Variants in THSD7B observed in about 807,000 individuals in gnomAD.
THSD7B encodes thrombospondin type-1 domain-containing protein 7B.
Under a neutral mutation model 213.6 loss-of-function variants are expected in THSD7B, and 138 were observed. The ratio of observed to expected loss-of-function variants is 0.65; its 90% CI spans 0.56 to 0.74. The LOEUF is 0.74. THSD7B is among the 30% of genes least tolerant of loss of function. The pLI, the probability that THSD7B is intolerant of heterozygous loss-of-function variation, is 0.00. For synonymous variants in THSD7B, 742 were observed against 687.0 expected (o/e 1.08, Z -1.25); for missense variants, 1,931 against 1,991.5 (o/e 0.97, Z 0.58).
chr2:137,257,835 C>T (rs1474764185), intron 10 of THSD7B, among the ~76,000 whole-genome samples: 1 of 152,150 alleles, frequency 6.6e-6, no homozygotes, highest in Non-Finnish European at 1.5e-5. Flanking sequence ...ATTTTTGTTA[C>T]AGGCAACAAA....
In THSD7B at chr2:136,984,378, A is replaced by G. The variant is rs117949140; in HGVS notation, c.140-72042A>G. 1.6e-3 allele frequency among the ~76,000 whole-genome samples: 250 copies of G among 152,290 alleles called. 4 individuals carry two copies. In the East Asian group the frequency reaches 0.044, roughly 27 times the overall value. On this transcript the variant is annotated intron_variant, in intron 2 of 27. Coordinates refer to ENST00000409968, the MANE Select transcript of THSD7B (RefSeq NM_001316349.2). ...ATGGTTTAGCACCATCCTCTAGAAAATAAGGAGTTCTCGCTCAGTTATTTT... is the reference window on the plus strand; with the variant it reads ...ATGGTTTAGCACCATCCTCTAGAAAGTAAGGAGTTCTCGCTCAGTTATTTT...
intron 12 of THSD7B, among the ~76,000 whole-genome samples, chr2:137,317,092 G>GT (rs1166613069): frequency 6.6e-6 from 1 of 152,210 alleles, no homozygotes; most frequent in Non-Finnish European, 1.5e-5. Context: ...ATAGTTGACA[G>GT]TTTTTTCCTG....
chr2:136,842,773 C>G, intron 1 of THSD7B, among the ~76,000 whole-genome samples: 1 of 152,156 alleles, frequency 6.6e-6, no homozygotes, highest in East Asian at 1.9e-4. Context: ...ATTCCTGAAC[C>G]CATTACTTCA....
intron 3 of THSD7B, among the ~76,000 whole-genome samples, chr2:137,074,372 T>C (rs577940846): frequency 5.3e-5 from 8 of 152,280 alleles, no homozygotes; most frequent in Admixed American, 3.9e-4. Context: ...TCTTTGTTGG[T>C]TTAAAGTCTG....
At chr2:137,665,050 A>G (rs1052481288) in intron 26 of THSD7B, among the ~76,000 whole-genome samples, 4 of 152,198 alleles carry the variant, frequency 2.6e-5, no homozygotes, top group African/African-American at 7.2e-5. Flanking sequence ...ATACCCCTCA[A>G]TCAACTTTTA....
chr2:136,957,435 AC>A (rs1479857271), intron 2 of THSD7B, among the ~76,000 whole-genome samples: 3 of 123,956 alleles, frequency 2.4e-5, no homozygotes, highest in Non-Finnish European at 3.9e-5. Flanking sequence ...GGCCAATACA[AC>A]GTTTTTTTTT....
At chr2:137,191,909 G>T (rs1680667956) in intron 7 of THSD7B, among the ~76,000 whole-genome samples, 1 of 152,060 alleles carries the variant, frequency 6.6e-6, no homozygotes, top group African/African-American at 2.4e-5. Context: ...AAAGGACAAA[G>T]CCACCTCGAT....
chr2:137,604,204 A>T (rs950951132), intron 17 of THSD7B, among the ~76,000 whole-genome samples: 1 of 152,200 alleles, frequency 6.6e-6, no homozygotes. Flanking sequence ...GTAAGGAAAG[A>T]GTTTTCTTCA....
At chr2:136,859,459 G>A (rs561590544) in intron 1 of THSD7B, among the ~76,000 whole-genome samples, 1 of 152,286 alleles carries the variant, frequency 6.6e-6, no homozygotes, top group South Asian at 2.1e-4. Flanking sequence ...AGTTTAACAA[G>A]CACTGTGCTG....
chr2:137,601,927 A>C (rs1333879058), intron 17 of THSD7B, among the ~76,000 whole-genome samples: 2 of 152,288 alleles, frequency 1.3e-5, no homozygotes, highest in South Asian at 4.1e-4. Flanking sequence ...GTAGCAAACT[A>C]TTTCAATCTG....
At chr2:136,797,773 A>G (rs1288396919) in intron 1 of THSD7B, among the ~76,000 whole-genome samples, 1 of 151,946 alleles carries the variant, frequency 6.6e-6, no homozygotes, top group East Asian at 1.9e-4. Context: ...GTTTCAGAGC[A>G]TTAGTACCTT....
chr2:137,113,503 C>A (rs1247517688), intron 4 of THSD7B, among the ~76,000 whole-genome samples: 1 of 152,052 alleles, frequency 6.6e-6, no homozygotes, highest in Non-Finnish European at 1.5e-5. Flanking sequence ...ATGGTGCAAT[C>A]TTGGCTCACC....
chr2:136,896,910 A>G (rs1001018493), intron 2 of THSD7B, among the ~76,000 whole-genome samples: 2 of 151,816 alleles, frequency 1.3e-5, no homozygotes, highest in African/African-American at 4.8e-5. Context: ...TAGTCTATAC[A>G]TAATCCTTAT....
At chr2:136,844,211 G>A (rs12613655) in intron 1 of THSD7B, among the ~76,000 whole-genome samples, 122,709 of 152,058 alleles carry the variant, frequency 0.81, 50,096 homozygotes, top group Non-Finnish European at 0.87. Flanking sequence ...AGGGGTTAAC[G>A]TAGGTGTTGG....
intron 12 of THSD7B, among the ~76,000 whole-genome samples, chr2:137,382,809 G>A (rs1036562743): frequency 6.6e-6 from 1 of 152,160 alleles, no homozygotes; most frequent in African/African-American, 2.4e-5. Flanking sequence ...GGGGTCTGAG[G>A]CACCCCTAGA....
At chr2:137,397,534 G>C (rs1213153816) in intron 12 of THSD7B, among the ~76,000 whole-genome samples, 8 of 151,552 alleles carry the variant, frequency 5.3e-5, no homozygotes, top group East Asian at 2.0e-4. Context: ...CAAGAGATCC[G>C]CTGTTAGTCT....
intron 14 of THSD7B, among the ~76,000 whole-genome samples, chr2:137,434,024 A>G (rs1164535023): frequency 6.6e-6 from 1 of 152,206 alleles, no homozygotes; most frequent in Admixed American, 6.5e-5. Flanking sequence ...TCTCAGCTTT[A>G]TATCATCCCA....
chr2:136,930,814 A>G (rs562934378), intron 2 of THSD7B, among the ~76,000 whole-genome samples: 1 of 152,270 alleles, frequency 6.6e-6, no homozygotes, highest in Non-Finnish European at 1.5e-5. Flanking sequence ...TCAGCTTAAG[A>G]CAAATAGGAA....
At chr2:137,496,874 C>T (rs902730364) in intron 15 of THSD7B, among the ~76,000 whole-genome samples, 9 of 152,030 alleles carry the variant, frequency 5.9e-5, no homozygotes, top group African/African-American at 1.2e-4. Flanking sequence ...CTTAGAGATA[C>T]GGAAATTCAC....
Sources: allele counts gnomAD v4.1 joint callset (sites outside exome capture counted in the v4.1 genomes callset), GRCh38; gene constraint gnomAD v4.1.1; transcripts MANE v1.5; gene names NCBI Gene and HGNC (gene_info 2026-07-23, HGNC 2026-07-21).